ITGB5: variants seen among roughly 807,000 people sequenced by gnomAD.
ITGB5 encodes integrin beta-5.
A neutral mutation model predicts 84.8 loss-of-function variants in ITGB5; 38 were observed. The ratio of observed to expected loss-of-function variants is 0.45; its 90% confidence interval spans 0.35 to 0.59. ITGB5 has a LOEUF of 0.59. Ranked by LOEUF, ITGB5 falls within the 20% of genes least tolerant of loss-of-function variation. The probability of loss-of-function intolerance (pLI) is 0.01; values close to 1 mark genes in which losing one functional copy is unlikely to be tolerated. For synonymous variants in ITGB5, 393 were observed against 414.4 expected, an observed-to-expected ratio of 0.95 and a Z score of 0.63; for missense variants, 905 against 1,034.5, an observed-to-expected ratio of 0.87 and a Z score of 1.72.
intron 5 of ITGB5, among the ~76,000 whole-genome samples, chr3:124,834,915 A>G (rs2064911473): frequency 6.6e-6 from 1 of 152,160 alleles, no homozygotes; most frequent in Non-Finnish European, 1.5e-5. Context: ...GTCTCCTTTC[A>G]TCTTTGCTCA....
intron 3 of ITGB5, among the ~76,000 whole-genome samples, chr3:124,850,221 G>A (rs1039837063): frequency 6.6e-6 from 1 of 151,854 alleles, no homozygotes; most frequent in Non-Finnish European, 1.5e-5. Flanking sequence ...AGAATCCAAT[G>A]ATCAAAAGAT....
intron 2 of ITGB5, among the ~76,000 whole-genome samples, chr3:124,870,423 G>A (rs1318287232): frequency 6.6e-6 from 1 of 152,260 alleles, no homozygotes; most frequent in African/African-American, 2.4e-5. Context: ...CAGCAATGAA[G>A]AAAACAGATA....
upstream of ITGB5, chr3:124,887,632 G>C (rs977668000): frequency 6.8e-6 from 3 of 440,672 alleles, no homozygotes; most frequent in African/African-American, 2.0e-5. Flanking sequence ...CCACTGAGTA[G>C]AGCCCGCTCC....
At chr3:124,792,984 AG>A (rs1297708470) in intron 10 of ITGB5, 10 of 152,182 alleles carry the variant, frequency 6.6e-5, no homozygotes, top group Non-Finnish European at 1.5e-4. Flanking sequence ...CCTGTCTCCC[AG>A]GCTCTGTACT....
At chr3:124,807,838 A>G (rs1289347704) in intron 9 of ITGB5, among the ~76,000 whole-genome samples, 2 of 148,920 alleles carry the variant, frequency 1.3e-5, no homozygotes, top group Non-Finnish European at 3.0e-5. Context: ...GCTACTCAGG[A>G]GGCTGAGGCA....
At chr3:124,786,938 C>CCTCTGGTGAG (rs2064089942) in intron 10 of ITGB5, among the ~76,000 whole-genome samples, 1 of 152,194 alleles carries the variant, frequency 6.6e-6, no homozygotes, top group Admixed American at 6.5e-5. Flanking sequence ...AGGTCTCTCA[C>CCTCTGGTGAG]AGTTTTAAAT....
In ITGB5 at chr3:124,821,484, A is replaced by G; in HGVS notation, c.781-10T>C. The G allele has an allele frequency of 6.2e-7, 1 of 1,613,954 alleles. No individual in the cohort carries two copies. ...GCCAGCCAATCTTCTCCTGAAGGACAGAAGGTGGATGGGTACACCAGTCTT... is the reference window on the plus strand; with the variant it reads ...GCCAGCCAATCTTCTCCTGAAGGACGGAAGGTGGATGGGTACACCAGTCTT... On this transcript the variant is annotated splice_polypyrimidine_tract_variant and intron_variant, in intron 5 of 14. Transcript: ENST00000296181.
At chr3:124,898,630 C>T (rs530207169) in intron 1 of ITGB5, among the ~76,000 whole-genome samples, 17 of 95,458 alleles carry the variant, frequency 1.8e-4, no homozygotes, top group Non-Finnish European at 2.9e-4. Context: ...GGCGACACAG[C>T]GAGACTCCGT....
At chr3:124,887,370 C>T (rs910027508), upstream of ITGB5, 10 of 158,352 alleles carry the variant, frequency 6.3e-5, no homozygotes, top group Non-Finnish European at 1.1e-4. Flanking sequence ...CACTCTGCCC[C>T]TGGCCTCCGC....
chr3:124,851,976 T>C (rs935051991), intron 3 of ITGB5, among the ~76,000 whole-genome samples: 3 of 152,184 alleles, frequency 2.0e-5, no homozygotes, highest in Non-Finnish European at 2.9e-5. Flanking sequence ...GCATGTGAAG[T>C]GCACTTTCTG....
chr3:124,825,226 T>C (rs997561368), intron 5 of ITGB5, among the ~76,000 whole-genome samples: 8 of 150,536 alleles, frequency 5.3e-5, no homozygotes, highest in African/African-American at 1.7e-4. Context: ...GTGGAAAGAT[T>C]AGAACTCTCA....
Position 124,770,579 on chromosome 3 carries a change from C to T in ITGB5, c.1917-1466G>A, listed in dbSNP as rs558019099. 9.8e-5 allele frequency among the ~76,000 whole-genome samples: 15 copies of T among 152,290 alleles called. No homozygotes were observed. In the East Asian group the frequency reaches 1.7e-3, roughly 18 times the overall value. Reference sequence around the variant, plus strand: ...TGCGAAGTGGAGGAGCAGAACTGGACGGGAGCTCTGAGACCATTTCACTAA... The same window carrying T: ...TGCGAAGTGGAGGAGCAGAACTGGATGGGAGCTCTGAGACCATTTCACTAA... On this transcript the variant is annotated intron_variant, in intron 11 of 14. Transcript: ENST00000296181.
intron 5 of ITGB5, among the ~76,000 whole-genome samples, chr3:124,825,535 A>C (rs543125434): frequency 6.6e-6 from 1 of 152,362 alleles, no homozygotes; most frequent in South Asian, 2.1e-4. Flanking sequence ...ACTACTGATA[A>C]CACACCACAA....
chr3:124,837,774 A>G (rs1485739469), intron 5 of ITGB5, among the ~76,000 whole-genome samples: 1 of 152,262 alleles, frequency 6.6e-6, no homozygotes, highest in Non-Finnish European at 1.5e-5. Flanking sequence ...AACCAGAGTG[A>G]GAATAAAACC....
intron 10 of ITGB5, 86 bp from the exon 11 acceptor site, chr3:124,773,998 G>T: frequency 8.2e-7 from 1 of 1,224,896 alleles, no homozygotes; most frequent in Non-Finnish European, 1.2e-6. Flanking sequence ...GCCAGGACTG[G>T]GATTCAGCAG....
intron 5 of ITGB5, among the ~76,000 whole-genome samples, chr3:124,834,155 T>C (rs1290745517): frequency 6.6e-6 from 1 of 152,132 alleles, no homozygotes; most frequent in Non-Finnish European, 1.5e-5. Context: ...CTACCTGTTG[T>C]CGTACATTTG....
intron 9 of ITGB5, 150 bp downstream of exon 9, chr3:124,808,872 A>G (rs1161749417): frequency 7.4e-6 from 6 of 810,306 alleles, no homozygotes; most frequent in Non-Finnish European, 1.2e-5. Flanking sequence ...CATCATGCAA[A>G]ACAGGCTTAG....
upstream of ITGB5, chr3:124,887,571 G>A (rs1478263763): frequency 3.3e-6 from 1 of 305,730 alleles, no homozygotes; most frequent in Admixed American, 3.4e-5. Flanking sequence ...AGGCCCTACG[G>A]GCCCAGGTGG....
chr3:124,847,491 A>G (rs898353157), intron 4 of ITGB5, among the ~76,000 whole-genome samples: 2 of 152,334 alleles, frequency 1.3e-5, no homozygotes, highest in African/African-American at 4.8e-5. Flanking sequence ...ACTAGTTCCC[A>G]GCCTCCTGGC....
Sources: gnomAD v4.1 joint callset for allele counts (sites outside exome capture counted in the v4.1 genomes callset) on GRCh38, gnomAD v4.1.1 for gene constraint, MANE v1.5 for transcripts, NCBI Gene and HGNC (gene_info 2026-07-23, HGNC 2026-07-21) for gene names.